PRRT4: variants seen among roughly 807,000 people sequenced by gnomAD.
PRRT4 encodes proline rich transmembrane protein 4, also known as proline-rich transmembrane protein 4.
Under a neutral mutation model 55.6 loss-of-function variants are expected in PRRT4, and 59 were observed. The observed-to-expected ratio is 1.06, with a 90% confidence interval of 0.86 to 1.32. PRRT4 has a LOEUF of 1.32. Among genes scored for constraint, PRRT4 ranks in the 40% most tolerant of loss-of-function variants. The pLI, the probability that PRRT4 is intolerant of heterozygous loss-of-function variation, is 0.00. For synonymous variants in PRRT4, 606 were observed against 601.8 expected (o/e 1.01, Z -0.10); for missense variants, 1,217 against 1,222.0 (o/e 1.00, Z 0.06).
At chr7:128,354,351 G>A (rs1030193827) in intron 4 of PRRT4, among the ~76,000 whole-genome samples, 2 of 152,158 alleles carry the variant, frequency 1.3e-5, no homozygotes, top group African/African-American at 4.8e-5. Flanking sequence ...ATCACCTGAG[G>A]TCAGGAGTTT....
chr7:128,359,196 C>G, exon 3 of PRRT4: 1 of 1,551,782 alleles, frequency 6.4e-7, no homozygotes, highest in Non-Finnish European at 8.7e-7. Flanking sequence ...TGTAGTTTCA[C>G]CTGGGGGGCT....
At chr7:128,353,283 T>A (rs1368947955) in intron 4 of PRRT4, among the ~76,000 whole-genome samples, 1 of 152,062 alleles carries the variant, frequency 6.6e-6, no homozygotes, top group African/African-American at 2.4e-5. Context: ...CTGAGCCCCT[T>A]TCTGTGATTC....
intron 4 of PRRT4, 52 bp from the exon 6 acceptor site, chr7:128,352,730 C>T: frequency 6.9e-7 from 1 of 1,450,290 alleles, no homozygotes; most frequent in Non-Finnish European, 9.1e-7. Flanking sequence ...CTCCCCTTAC[C>T]CACCCCACAA....
upstream of PRRT4, chr7:128,361,711 G>T: frequency 6.6e-6 from 1 of 152,534 alleles, no homozygotes; most frequent in South Asian, 1.8e-4. Flanking sequence ...CCGTCCGCCC[G>T]CCCTCGCTCC....
At chr7:128,359,470 G>A (rs1000265279) in exon 2 of PRRT4, 38 of 1,462,570 alleles carry the variant, frequency 2.6e-5, no homozygotes, top group Non-Finnish European at 3.1e-5. Context: ...GCTCCAGCTC[G>A]CTCTGGTGGG....
At chr7:128,351,079 G>A (rs891215) in exon 5 of PRRT4, 992,622 of 1,548,544 alleles carry the variant, frequency 0.64, 327,204 homozygotes, top group Non-Finnish European at 0.68. Context: ...AGGGCAGCGC[G>A]GGGGCCTGTC....
chr7:128,357,170 CAGAG>C lies in PRRT4; in HGVS notation c.877+1507_877+1510del, dbSNP rs1797127711. Among the ~76,000 whole-genome samples, 12 of 151,886 alleles carry C rather than the reference CAGAG, an allele frequency of 7.9e-5. No homozygotes were observed. In the South Asian group the frequency reaches 2.5e-3, roughly 32 times the overall value. On this transcript the variant is annotated intron_variant, in intron 4 of 4. Transcript: ENST00000535159. ...GGTTAGAAAGATTCTAGAGGCAACACAGAGAGACTCCCTTTGTATGGTAACTGCT... is the reference window on the plus strand; with the variant it reads ...GGTTAGAAAGATTCTAGAGGCAACACAGACTCCCTTTGTATGGTAACTGCT...
chr7:128,361,003 A>G (rs1235965923), intron 1 of PRRT4, among the ~76,000 whole-genome samples: 1 of 96,560 alleles, frequency 1.0e-5, no homozygotes, highest in Non-Finnish European at 2.1e-5. Flanking sequence ...ACACACACAC[A>G]CTCCGTCCTG....
chr7:128,355,666 C>T (rs1247828689), intron 4 of PRRT4, among the ~76,000 whole-genome samples: 11 of 152,162 alleles, frequency 7.2e-5, no homozygotes, highest in Non-Finnish European at 1.0e-4. Context: ...ATTCTTTGGT[C>T]CCTTCAGATG....
At chr7:128,355,725 T>C (rs1797098611) in intron 4 of PRRT4, among the ~76,000 whole-genome samples, 1 of 152,080 alleles carries the variant, frequency 6.6e-6, no homozygotes, top group African/African-American at 2.4e-5. Context: ...TTGCTCCATC[T>C]CTCTTTGGCC....
upstream of PRRT4, chr7:128,361,743 CCTCCT>C (rs1233658948): frequency 6.5e-6 from 1 of 152,918 alleles, no homozygotes. Context: ...TCCTCCTCCT[CCTCCT>C]CCTCCTCCCA....
chr7:128,360,140 G>C, intron 1 of PRRT4, 77 bp from the exon 3 acceptor site: 2 of 563,764 alleles, frequency 3.5e-6, no homozygotes, highest in Non-Finnish European at 5.3e-6. Context: ...GTCCCAGAGA[G>C]AGGCTTCTGA....
In PRRT4 at chr7:128,358,575, A is replaced by G; in HGVS notation, c.877+106T>C. On this transcript the variant is annotated intron_variant, in intron 4 of 4. Coordinates refer to ENST00000535159, the Ensembl canonical transcript of PRRT4. This position sits in a 1 kb window ranked among gnomAD's most constrained non-coding sequence, Gnocchi z 4.4. ...GATGATGAAGAGAATGATGATTATG[A>G]TTATGATGACAATGAAATAAAAGGG... is the stretch of plus-strand genomic sequence containing the variant. The G allele has an allele frequency of 1.0e-6, 1 of 960,232 alleles. No homozygotes were observed. Among genetic ancestry groups the G allele is most frequent in the Non-Finnish European group, 1.6e-6 (1 of 628,708 alleles). The allele number at this position is 960,232 out of a possible 1,614,324, so 59.5% of individuals were successfully genotyped here.
At position 128,351,135 on chromosome 7, in the gene PRRT4, G is replaced by A. The variant is rs557846516; in HGVS notation, c.2421C>T (p.Cys807=). The A allele has an allele frequency of 6.7e-5, 103 of 1,547,542 alleles. 1 individual carries two copies. The South Asian group carries it at 9.2e-4, about 14-fold the overall frequency. ...TGGACGAGCTGTCCCGCGAGAGTCC[G>A]CAGAACGAGCCAGATGAGACGCTGC... is the stretch of plus-strand genomic sequence containing the variant. The change falls in exon 5 of 5, where the codon TGC becomes TGT. Residue 807 remains cysteine (C), a synonymous_variant. Coordinates refer to ENST00000535159, the Ensembl canonical transcript of PRRT4.
rs1483038403 is a variant in PRRT4, at chr7:128,351,331, A to G, written c.2225T>C (p.Leu742Pro). Residue 742 changes from leucine (L) to proline (P), a missense_variant, in exon 5 of 5, where the codon CTT (leucine) becomes CCT (proline). By Grantham distance (98) the Leu-to-Pro change is moderately conservative (BLOSUM62 -3). Coordinates refer to ENST00000535159, the Ensembl canonical transcript of PRRT4. ...AGGGCCCTGGAAGAGGCCAGGCGCAAGCAGGGCCTCGCTGCAGAGGGCCTC... is the reference window on the plus strand; with the variant it reads ...AGGGCCCTGGAAGAGGCCAGGCGCAGGCAGGGCCTCGCTGCAGAGGGCCTC... 1 of 1,546,528 alleles carries G rather than the reference A, an allele frequency of 6.5e-7. No individual in the cohort carries two copies. Among genetic ancestry groups the G allele is most frequent in the East Asian group, 2.4e-5 (1 of 40,890 alleles).
chr7:128,351,046 G>T, exon 5 of PRRT4: 1 of 1,549,078 alleles, frequency 6.5e-7, no homozygotes, highest in South Asian at 1.2e-5. Context: ...TGAGGGCCGC[G>T]GGGGACTGAG....
chr7:128,351,386 A>C, exon 5 of PRRT4: 2 of 1,543,382 alleles, frequency 1.3e-6, no homozygotes, highest in Non-Finnish European at 1.7e-6. Context: ...TTGATTGGGG[A>C]GGGCGGGCGG....
downstream of PRRT4, chr7:128,350,512 C>T: frequency 3.2e-6 from 1 of 314,482 alleles, no homozygotes; most frequent in South Asian, 3.5e-5. Flanking sequence ...TCCCAGGGTC[C>T]TCTGAGGACA....
At chr7:128,353,149 C>A (rs1797037779) in intron 4 of PRRT4, among the ~76,000 whole-genome samples, 1 of 152,084 alleles carries the variant, frequency 6.6e-6, no homozygotes. Flanking sequence ...AGCAGATATT[C>A]ATTGACTAAA....
Sources: gnomAD v4.1 joint callset for allele counts (sites outside exome capture counted in the v4.1 genomes callset) on GRCh38, gnomAD v4.1.1 for gene constraint, Gnocchi (gnomAD v3.1) non-coding constraint, MANE v1.5 for transcripts, NCBI Gene and HGNC (gene_info 2026-07-23, HGNC 2026-07-21) for gene names.